Variants in ADAMTS3 observed in about 807,000 individuals in gnomAD.
The protein encoded by ADAMTS3 is A disintegrin and metalloproteinase with thrombospondin motifs 3.
In ADAMTS3, 73 loss-of-function variants were observed where a neutral mutation model predicts 129.0. That is an observed-to-expected ratio of 0.57 (90% CI 0.47 to 0.69). ADAMTS3 has a LOEUF of 0.69. ADAMTS3 is among the 30% of genes least tolerant of loss of function. ADAMTS3 has a pLI of 0.00. For synonymous variants in ADAMTS3, 477 were observed against 510.8 expected, an observed-to-expected ratio of 0.93 and a Z score of 0.89; for missense variants, 1,457 against 1,514.5, an observed-to-expected ratio of 0.96 and a Z score of 0.63.
At chr4:72,509,504 T>C (rs1360801771) in intron 3 of ADAMTS3, among the ~76,000 whole-genome samples, 1 of 151,698 alleles carries the variant, frequency 6.6e-6, no homozygotes, top group African/African-American at 2.4e-5. Context: ...TGCCAATAAA[T>C]TGGAAAAACT....
chr4:72,453,900 T>TA lies in ADAMTS3; in HGVS notation c.505-38930dup, dbSNP rs140779324. Among the ~76,000 whole-genome samples, 811 of 148,214 alleles carry TA rather than the reference T, an allele frequency of 5.5e-3. 4 individuals are homozygous for TA. Among genetic ancestry groups the TA allele is most frequent in the African/African-American group, 0.019 (778 of 40,720 alleles). On this transcript the variant is annotated intron_variant, in intron 3 of 21. Transcript: ENST00000286657. Reference sequence around the variant, plus strand: ...ATATTATACTATATTATATTATATGTAAAATATATATATATATATGTATAC... The same window carrying TA: ...ATATTATACTATATTATATTATATGTAAAAATATATATATATATATGTATAC...
At chr4:72,535,742 C>T (rs1721171142) in intron 3 of ADAMTS3, among the ~76,000 whole-genome samples, 1 of 151,814 alleles carries the variant, frequency 6.6e-6, no homozygotes, top group Admixed American at 6.6e-5. Flanking sequence ...AGACTCTAGA[C>T]CAGAAACCAC....
At chr4:72,313,900 T>C (rs1719315650) in intron 11 of ADAMTS3, 78 bp from the exon 12 acceptor site, 1 of 1,523,244 alleles carries the variant, frequency 6.6e-7, no homozygotes, top group Admixed American at 1.7e-5. Context: ...AACCATCTAG[T>C]TGAAGGGCTT....
intron 2 of ADAMTS3, among the ~76,000 whole-genome samples, chr4:72,565,949 T>G (rs1053078689): frequency 2.4e-4 from 36 of 152,328 alleles, no homozygotes; most frequent in African/African-American, 6.5e-4. Flanking sequence ...ATTTGCATAT[T>G]GAAAAGTTGG....
At chr4:72,423,900 C>T (rs952511175) in intron 3 of ADAMTS3, among the ~76,000 whole-genome samples, 5 of 152,032 alleles carry the variant, frequency 3.3e-5, no homozygotes, top group African/African-American at 1.2e-4. Flanking sequence ...TGGAATAGCC[C>T]CCAAGCCATG....
chr4:72,289,271 G>T (rs1290976324), intron 20 of ADAMTS3, among the ~76,000 whole-genome samples: 2 of 151,978 alleles, frequency 1.3e-5, no homozygotes, highest in Non-Finnish European at 2.9e-5. Context: ...GGTAACATCT[G>T]CTGTAGTTTC....
At chr4:72,518,183 T>G (rs868616236) in intron 3 of ADAMTS3, among the ~76,000 whole-genome samples, 1 of 152,160 alleles carries the variant, frequency 6.6e-6, no homozygotes, top group Non-Finnish European at 1.5e-5. Context: ...CTAGTTTGAT[T>G]GCACTGTGGT....
chr4:72,565,264 A>G (rs1450706057), intron 2 of ADAMTS3, among the ~76,000 whole-genome samples: 1 of 152,250 alleles, frequency 6.6e-6, no homozygotes. Context: ...TGAAAAATAA[A>G]TAAATAAAAT....
intron 3 of ADAMTS3, among the ~76,000 whole-genome samples, chr4:72,488,614 T>C (rs1719651551): frequency 1.3e-5 from 2 of 151,970 alleles, no homozygotes; most frequent in South Asian, 4.1e-4. Flanking sequence ...CAGGGTAATC[T>C]TTTTCAAGAT....
In ADAMTS3 at chr4:72,548,616, A is replaced by T. The variant is rs779834098; in HGVS notation, c.366T>A (p.Asp122Glu). ...ETSLVPGNIT[D>E]PINNHQPGSA... is the part of the protein sequence containing the mutation. ...TTCCTGGTTGATGGTTGTTAATGGG[A>T]TCGGTTATATTCCCAGGCACCAGAG... Residue 122 changes from aspartate to glutamate, a missense_variant, in exon 3 of 22, where the codon GAT becomes GAA. Asp to Glu is a conservative substitution (Grantham distance 45). Transcript: ENST00000286657. 26 of 1,613,810 alleles carry T rather than the reference A, an allele frequency of 1.6e-5. No homozygotes were observed. In the African/African-American group the frequency reaches 3.2e-4, roughly 20 times the overall value.
At chr4:72,539,791 G>A (rs899569809) in intron 3 of ADAMTS3, among the ~76,000 whole-genome samples, 1 of 152,110 alleles carries the variant, frequency 6.6e-6, no homozygotes, top group African/African-American at 2.4e-5. Context: ...GCCTGCATAA[G>A]CTCTCTCTTT....
At chr4:72,551,535 T>C (rs1721646368) in intron 2 of ADAMTS3, among the ~76,000 whole-genome samples, 1 of 152,120 alleles carries the variant, frequency 6.6e-6, no homozygotes, top group Non-Finnish European at 1.5e-5. Context: ...ATTAAGGTAA[T>C]GAGGAAAAAG....
intron 3 of ADAMTS3, among the ~76,000 whole-genome samples, chr4:72,521,009 T>G (rs556478248): frequency 1.6e-4 from 24 of 152,048 alleles, no homozygotes; most frequent in Non-Finnish European, 2.9e-4. Context: ...TTTTCTTTTT[T>G]TTTTTTGAGA....
At position 72,555,333 on chromosome 4, in the gene ADAMTS3, C is replaced by G. The variant is rs143746810; in HGVS notation, c.98-6449G>C. Among the ~76,000 whole-genome samples, 151 of 151,868 alleles carry G rather than the reference C, an allele frequency of 9.9e-4. 6 individuals are homozygous for G. Among genetic ancestry groups the G allele is most frequent in the African/African-American group, 3.3e-3 (135 of 41,162 alleles). ...TATTCTGTCTAATGTGCTCACAAGA[C>G]CTGGCTTAAGCATGCCTACATTCAC... is the stretch of plus-strand genomic sequence containing the variant. On this transcript the variant is annotated intron_variant, in intron 2 of 21. Transcript: ENST00000286657.
rs1207022663 is a variant in ADAMTS3, at chr4:72,414,980, A to G, written c.505-9T>C. The G allele has an allele frequency of 1.4e-6, 2 of 1,472,400 alleles. No individual in the cohort carries two copies. The highest frequency in any genetic ancestry group is 1.8e-6 in the Non-Finnish European group (2 of 1,113,010). 91.2% of individuals were successfully genotyped at this position (1,472,400 alleles called of 1,614,324 possible). On this transcript the variant is annotated splice_polypyrimidine_tract_variant and intron_variant, in intron 3 of 21. Transcript: ENST00000286657. ...CTTTTTATCATTCCAGCCTAGAGAA[A>G]GCACAAAATGTGTTAATTTAAAAAA...
At chr4:72,494,192 C>T (rs970462816) in intron 3 of ADAMTS3, among the ~76,000 whole-genome samples, 2 of 152,106 alleles carry the variant, frequency 1.3e-5, no homozygotes, top group African/African-American at 4.8e-5. Context: ...TCTTCTCCTT[C>T]TTGAACTCTC....
At chr4:72,403,130 A>C (rs948592464) in intron 4 of ADAMTS3, among the ~76,000 whole-genome samples, 1 of 152,012 alleles carries the variant, frequency 6.6e-6, no homozygotes, top group Non-Finnish European at 1.5e-5. Context: ...GTTTGGTCTT[A>C]ATTTTTCCTT....
intron 3 of ADAMTS3, among the ~76,000 whole-genome samples, chr4:72,437,573 C>T (rs928077754): frequency 3.3e-5 from 5 of 151,722 alleles, no homozygotes; most frequent in Non-Finnish European, 7.4e-5. Flanking sequence ...ACTGAAAAAC[C>T]GATGCAGAAG....
chr4:72,548,380 T>C (rs1034657226), intron 3 of ADAMTS3, 98 bp downstream of exon 3: 85 of 1,264,508 alleles, frequency 6.7e-5, no homozygotes, highest in Non-Finnish European at 9.3e-5. Flanking sequence ...AACATAACAA[T>C]GAAGCCTCCT....
Sources: allele counts gnomAD v4.1 joint callset (sites outside exome capture counted in the v4.1 genomes callset), GRCh38; gene constraint gnomAD v4.1.1; transcripts MANE v1.5; gene names NCBI Gene and HGNC (gene_info 2026-07-23, HGNC 2026-07-21).